RASIP1: variants seen among roughly 807,000 people sequenced by gnomAD.
RASIP1 encodes ras-interacting protein 1.
A neutral mutation model predicts 85.3 loss-of-function variants in RASIP1; 20 were observed. The ratio of observed to expected loss-of-function variants is 0.23; its 90% CI spans 0.17 to 0.34. The LOEUF (loss-of-function observed/expected upper bound fraction) is 0.34, where lower values mean the gene tolerates loss of function less well. RASIP1 is among the 10% of genes least tolerant of loss of function. The probability of loss-of-function intolerance (pLI) is 1.00; values close to 1 mark genes in which losing one functional copy is unlikely to be tolerated. For synonymous variants in RASIP1, 617 were observed against 647.1 expected (o/e 0.95, Z 0.71); for missense variants, 1,170 against 1,390.9 (o/e 0.84, Z 2.53).
intron 5 of RASIP1, 103 bp downstream of exon 5, chr19:48,728,834 T>C (rs1190347931): frequency 3.3e-6 from 4 of 1,217,440 alleles, no homozygotes; most frequent in Non-Finnish European, 4.3e-6. Flanking sequence ...ATGGGAACAG[T>C]AGTATCCAGC....
At position 48,720,699 on chromosome 19, in the gene RASIP1, T is replaced by A. The variant is rs183639286; in HGVS notation, c.*99A>T. 1 of 1,327,278 alleles carries A rather than the reference T, an allele frequency of 7.5e-7. No individual in the cohort carries two copies. The allele number at this position is 1,327,278 out of a possible 1,614,324, so 82.2% of individuals were successfully genotyped here. A position where few individuals can be genotyped will look rare whatever the true frequency, so the allele number is the denominator to read the frequency against. ...CAATCTCCCAACATTCCACGCGGGA[T>A]AAGAACTACAACTCCCAGAAAGCTT... On this transcript the variant is annotated 3_prime_UTR_variant, in exon 12 of 12. Transcript: ENST00000222145.
At position 48,724,939 on chromosome 19, in the gene RASIP1, C is replaced by T; in HGVS notation, c.2149G>A (p.Ala717Thr). ...LTKTLYSTLP[A>T]LLDSNPFTAG... ...GTGAAAGGGTTACTATCCAGGAGAG[C>T]AGGCAGCGTTGAATAGAGAGTCTGA... is the stretch of plus-strand genomic sequence containing the variant. The change falls in exon 9 of 12, where the codon GCT becomes ACT. Residue 717 changes from alanine to threonine, a missense_variant. Physicochemically the swap from Ala to Thr is moderately conservative, Grantham distance 58. This residue lies in a region of RASIP1 where 426 missense variants were observed against 576.2 expected (regional missense o/e 0.74). Coordinates refer to ENST00000222145, the MANE Select transcript of RASIP1 (RefSeq NM_017805.3). The surrounding 1 kb of genome is among the most constrained non-coding windows in gnomAD (Gnocchi z 4.6). The T allele has an allele frequency of 1.2e-6, 2 of 1,613,208 alleles. No individual in the cohort carries two copies. The highest frequency in any genetic ancestry group is 1.7e-6 in the Non-Finnish European group (2 of 1,179,238).
At chr19:48,727,192 C>T (rs749400275) in intron 6 of RASIP1, 34 bp from the exon 7 acceptor site, 1 of 1,611,644 alleles carries the variant, frequency 6.2e-7, no homozygotes, top group Admixed American at 1.7e-5. Flanking sequence ...TGATCCCTGC[C>T]CAACCCTCAT....
chr19:48,724,696 C>A lies in RASIP1; in HGVS notation c.2371+21G>T, dbSNP rs2033311306. Reference sequence around the variant, plus strand: ...GTGGCTCCTGTCTTTGCCTCCCTGACAGCTCCCAGCCAACCTTCACCTCGT... The same window carrying A: ...GTGGCTCCTGTCTTTGCCTCCCTGAAAGCTCCCAGCCAACCTTCACCTCGT... On this transcript the variant is annotated intron_variant, in intron 9 of 11. Coordinates refer to ENST00000222145, the MANE Select transcript of RASIP1 (RefSeq NM_017805.3). The surrounding 1 kb of genome is among the most constrained non-coding windows in gnomAD (Gnocchi z 4.6). 1.2e-6 allele frequency: 2 copies of A among 1,613,450 alleles called. No individual in the cohort carries two copies. Among genetic ancestry groups the A allele is most frequent in the African/African-American group, 2.7e-5 (2 of 75,048 alleles).
At position 48,721,898 on chromosome 19, in the gene RASIP1, G is replaced by A; in HGVS notation, c.2648C>T (p.Ala883Val). ...YQLGPGRGPP[A>V]AWDPPPAERE... is the part of the protein sequence containing the mutation. The stretch of plus-strand genomic sequence containing the variant: ...CTCTGCAGGGGGAGGGTCCCACGCG[G>A]CTGGCGGCCCGCGGCCAGGGCCCAG... The change falls in exon 11 of 12, where the codon GCC becomes GTC. Residue 883 changes from alanine (A) to valine (V), a missense_variant. Physicochemically the swap from Ala to Val is moderately conservative, Grantham distance 64. Transcript: ENST00000222145. 6.2e-7 allele frequency: 1 copy of A among 1,606,494 alleles called. No individual in the cohort carries two copies. The highest frequency in any genetic ancestry group is 1.1e-5 in the South Asian group (1 of 90,432).
At chr19:48,737,546 A>G in intron 3 of RASIP1, 1 of 985,238 alleles carries the variant, frequency 1.0e-6, no homozygotes, top group Middle Eastern at 5.2e-4. Flanking sequence ...AACCCAGCCT[A>G]AGGCCGTCTT....
intron 10 of RASIP1, among the ~76,000 whole-genome samples, chr19:48,722,605 T>C (rs2033268642): frequency 6.6e-6 from 1 of 152,130 alleles, no homozygotes; most frequent in Non-Finnish European, 1.5e-5. Flanking sequence ...TTCATTATTC[T>C]ATGGCGGCCA....
At position 48,720,683 on chromosome 19, in the gene RASIP1, A is replaced by G. The variant is rs1476144977; in HGVS notation, c.*115T>C. On this transcript the variant is annotated 3_prime_UTR_variant, in exon 12 of 12. Coordinates refer to ENST00000222145, the MANE Select transcript of RASIP1 (RefSeq NM_017805.3). Reference sequence around the variant, plus strand: ...CTACTTCCCGAAAACTCAATCTCCCAACATTCCACGCGGGATAAGAACTAC... The same window carrying G: ...CTACTTCCCGAAAACTCAATCTCCCGACATTCCACGCGGGATAAGAACTAC... The G allele has an allele frequency of 5.7e-6, 7 of 1,218,626 alleles. No homozygotes were observed. Among genetic ancestry groups the G allele is most frequent in the Non-Finnish European group, 7.1e-6 (6 of 846,902 alleles). 75.5% of individuals were successfully genotyped at this position (1,218,626 alleles called of 1,614,324 possible). A position where few individuals can be genotyped will look rare whatever the true frequency, so the allele number is the denominator to read the frequency against.
chr19:48,726,548 G>T (rs2033346546), intron 8 of RASIP1, among the ~76,000 whole-genome samples: 1 of 152,182 alleles, frequency 6.6e-6, no homozygotes, highest in South Asian at 2.1e-4. Flanking sequence ...CAAAGGAAAA[G>T]AAGCCAGAAA....
At position 48,720,732 on chromosome 19, in the gene RASIP1, A is replaced by G; in HGVS notation, c.*66T>C. 6.6e-7 allele frequency: 1 copy of G among 1,522,260 alleles called. No homozygotes were observed. The allele number at this position is 1,522,260 out of a possible 1,614,324, so 94.3% of individuals were successfully genotyped here. On this transcript the variant is annotated 3_prime_UTR_variant, in exon 12 of 12. Coordinates refer to ENST00000222145, the MANE Select transcript of RASIP1 (RefSeq NM_017805.3). ...ACAACTCCCAGAAAGCTTTGCGCTC[A>G]GGCGGGCTCCTGTCCGTAGAAGCCC...
chr19:48,724,240 T>C lies in RASIP1; in HGVS notation c.2544+97A>G, dbSNP rs545489662. 8 of 1,351,140 alleles carry C rather than the reference T, an allele frequency of 5.9e-6. No individual in the cohort carries two copies. In the East Asian group the frequency reaches 1.9e-4, roughly 32 times the overall value. The allele number at this position is 1,351,140 out of a possible 1,614,324, so 83.7% of individuals were successfully genotyped here. On this transcript the variant is annotated intron_variant, in intron 10 of 11. Coordinates refer to ENST00000222145, the MANE Select transcript of RASIP1 (RefSeq NM_017805.3). The surrounding 1 kb of genome is among the most constrained non-coding windows in gnomAD (Gnocchi z 4.6). ...GCTGGGGCTGGGGATGGCATGGGGT[T>C]CAAGGGGAGCTCTGACGGTGAGCTG...
rs376031097 is a variant in RASIP1 at position 48,737,490 on chromosome 19, T to C, written c.823+1470A>G. 254 of 985,384 alleles carry C rather than the reference T, an allele frequency of 2.6e-4. 2 individuals carry two copies. The South Asian group carries it at 0.01, about 40-fold the overall frequency. 61.0% of individuals were successfully genotyped at this position (985,384 alleles called of 1,614,324 possible). ...GCCTTCCTTCGCCTCTACAGTGATA[T>C]CTTCCTTCAGCCCCTTCCTTTCCCA... is the stretch of plus-strand genomic sequence containing the variant. On this transcript the variant is annotated intron_variant, in intron 3 of 11. Coordinates refer to ENST00000222145, the MANE Select transcript of RASIP1 (RefSeq NM_017805.3).
At chr19:48,723,803 CTT>C (rs34173404) in intron 10 of RASIP1, among the ~76,000 whole-genome samples, 3,517 of 126,986 alleles carry the variant, frequency 0.028, 63 homozygotes, top group African/African-American at 0.056. Flanking sequence ...ACCCTGGAAA[CTT>C]TTTTTTTTTT....
rs2033655682 is a variant in RASIP1, at chr19:48,740,513, G to C, written c.-5+8C>G. ...AGGGGTTTGGGCTGCTGGGTCCCTG[G>C]CTCTTACCCTGCTTCGGGTCCGGCA... On this transcript the variant is annotated splice_region_variant and intron_variant, in intron 1 of 11. Transcript: ENST00000222145. The surrounding 1 kb of genome is among the most constrained non-coding windows in gnomAD (Gnocchi z 5.5). 1.4e-6 allele frequency: 2 copies of C among 1,394,812 alleles called. No homozygotes were observed. 86.4% of individuals were successfully genotyped at this position (1,394,812 alleles called of 1,614,324 possible).
chr19:48,740,352 T>C lies in RASIP1; in HGVS notation c.-4-66A>G, dbSNP rs540891776. 302 of 1,513,478 alleles carry C rather than the reference T, an allele frequency of 2.0e-4. 3 individuals carry two copies. In the East Asian group the frequency reaches 6.8e-3, roughly 34 times the overall value. The allele number at this position is 1,513,478 out of a possible 1,614,324, so 93.8% of individuals were successfully genotyped here. On this transcript the variant is annotated intron_variant, in intron 1 of 11. Transcript: ENST00000222145. This position sits in a 1 kb window ranked among gnomAD's most constrained non-coding sequence, Gnocchi z 5.5. ...TTGTGGGGATGGGGTGGAGGGAACC[T>C]GGACTCCGAGTCAGAGGGAGGAGGG... is the stretch of plus-strand genomic sequence containing the variant.
At position 48,738,874 on chromosome 19, in the gene RASIP1, TC is replaced by T; in HGVS notation, c.823+85del. On this transcript the variant is annotated intron_variant, in intron 3 of 11. Coordinates refer to ENST00000222145, the MANE Select transcript of RASIP1 (RefSeq NM_017805.3). The surrounding 1 kb of genome is among the most constrained non-coding windows in gnomAD (Gnocchi z 4.0). ...GCCCCGCCCCCAGCCAGCCCGCGAGTCCCACAAGCCCCGCCCAGGCCCCGCC... is the reference window on the plus strand; with the variant it reads ...GCCCCGCCCCCAGCCAGCCCGCGAGTCCACAAGCCCCGCCCAGGCCCCGCC... 1.1e-6 allele frequency: 1 copy of T among 913,120 alleles called. No homozygotes were observed. Among genetic ancestry groups the T allele is most frequent in the Non-Finnish European group, 1.3e-6 (1 of 770,116 alleles). The allele number at this position is 913,120 out of a possible 1,614,324, so 56.6% of individuals were successfully genotyped here.
At chr19:48,727,600 T>A (rs746066357) in intron 5 of RASIP1, among the ~76,000 whole-genome samples, 170 bp from the exon 6 acceptor site, 20 of 152,002 alleles carry the variant, frequency 1.3e-4, no homozygotes, top group Non-Finnish European at 1.9e-4. Context: ...TGAGCTCAAA[T>A]GATCCTCCCA....
In RASIP1 at chr19:48,728,821, G is replaced by A. The variant is rs1475504810; in HGVS notation, c.1833+116C>T. 1.1e-5 allele frequency: 12 copies of A among 1,139,526 alleles called. No individual in the cohort carries two copies. In the East Asian group the frequency reaches 3.0e-4, roughly 28 times the overall value. 70.6% of individuals were successfully genotyped at this position (1,139,526 alleles called of 1,614,324 possible). On this transcript the variant is annotated intron_variant, in intron 5 of 11. Transcript: ENST00000222145. The stretch of plus-strand genomic sequence containing the variant: ...CAAAACCCCAAATCCTTCCCGAGGC[G>A]TCATGGGAACAGTAGTATCCAGCCC...
rs765840544 is a variant in RASIP1 at position 48,720,817 on chromosome 19, G to A, written c.2873C>T (p.Pro958Leu). Residue 958 changes from proline (P) to leucine (L), a missense_variant, in exon 12 of 12, where the codon CCC (proline) becomes CTC (leucine). Pro to Leu is a moderately conservative substitution (Grantham distance 98, BLOSUM62 -3). Coordinates refer to ENST00000222145, the MANE Select transcript of RASIP1 (RefSeq NM_017805.3). ...ELPANYRHGP[P>L]VATSP ...TGGTTCTCAAGGAGACGTGGCCACG[G>A]GAGGCCCATGGCGATAATTGGCTGG... 6 of 1,614,092 alleles carry A rather than the reference G, an allele frequency of 3.7e-6. No homozygotes were observed. The highest frequency in any genetic ancestry group is 4.2e-6 in the Non-Finnish European group (5 of 1,180,028).
Sources: gnomAD v4.1 joint callset for allele counts (sites outside exome capture counted in the v4.1 genomes callset) on GRCh38, gnomAD v4.1.1 for gene constraint, gnomAD v4.1.1 regional missense constraint, Gnocchi (gnomAD v3.1) non-coding constraint, MANE v1.5 for transcripts, NCBI Gene and HGNC (gene_info 2026-07-23, HGNC 2026-07-21) for gene names.